The following MSRB3 variants were observed in gnomAD, a reference collection of about 807,000 sequenced individuals.
The protein encoded by MSRB3 is methionine sulfoxide reductase B3.
MSRB3 carries 13 observed loss-of-function variants against 21.0 expected under a neutral mutation model. The ratio of observed to expected loss-of-function variants is 0.62; its 90% CI spans 0.40 to 0.98. MSRB3 has a LOEUF of 0.98. MSRB3 is among the 50% of genes least tolerant of loss of function. The probability of loss-of-function intolerance (pLI) is 0.00; values close to 1 mark genes in which losing one functional copy is unlikely to be tolerated. For synonymous variants in MSRB3, 87 were observed against 88.6 expected (o/e 0.98, Z 0.10); for missense variants, 199 against 230.3 (o/e 0.86, Z 0.88).
At position 65,428,878 on chromosome 12, in the gene MSRB3, G is replaced by A. The variant is rs575560579; in HGVS notation, c.293-24850G>A. 1.6e-4 allele frequency among the ~76,000 whole-genome samples: 24 copies of A among 152,210 alleles called. No homozygotes were observed. In the South Asian group the frequency reaches 3.7e-3, roughly 24 times the overall value. Reference sequence around the variant, plus strand: ...CCTACATATGGGGTGTCCTCCCTTGGAATATCCTTTTTTTCCCCATAAGAT... The same window carrying A: ...CCTACATATGGGGTGTCCTCCCTTGAAATATCCTTTTTTTCCCCATAAGAT... On this transcript the variant is annotated intron_variant, in intron 5 of 6. Coordinates refer to ENST00000308259, the MANE Select transcript of MSRB3 (RefSeq NM_001031679.3).
intron 6 of MSRB3, 69 bp downstream of exon 6, chr12:65,453,894 C>A: frequency 7.9e-7 from 1 of 1,273,548 alleles, no homozygotes; most frequent in Non-Finnish European, 1.1e-6. Flanking sequence ...AATATAGCAA[C>A]TAAGGCCAAG....
chr12:65,361,183 G>C (rs1877678126), intron 4 of MSRB3, among the ~76,000 whole-genome samples: 1 of 152,022 alleles, frequency 6.6e-6, no homozygotes, highest in South Asian at 2.1e-4. Context: ...TTCGATGAAA[G>C]CTACCTTTTA....
At chr12:65,388,602 G>A (rs1347381260) in intron 5 of MSRB3, among the ~76,000 whole-genome samples, 2 of 152,208 alleles carry the variant, frequency 1.3e-5, no homozygotes, top group Non-Finnish European at 2.9e-5. Flanking sequence ...CAAGCGCAGT[G>A]CCTCATGCCT....
intron 5 of MSRB3, among the ~76,000 whole-genome samples, chr12:65,412,228 A>G (rs946832506): frequency 2.4e-4 from 36 of 150,784 alleles, no homozygotes; most frequent in African/African-American, 8.2e-4. Flanking sequence ...CACTGAAGCT[A>G]TTAAAAAAAT....
chr12:65,456,484 A>G (rs1242381889), intron 6 of MSRB3, among the ~76,000 whole-genome samples: 1 of 152,158 alleles, frequency 6.6e-6, no homozygotes, highest in Non-Finnish European at 1.5e-5. Context: ...GAGAAATGAA[A>G]CCCACAAACA....
chr12:65,299,611 C>G (rs950511069), intron 1 of MSRB3, among the ~76,000 whole-genome samples: 1 of 152,124 alleles, frequency 6.6e-6, no homozygotes, highest in Non-Finnish European at 1.5e-5. Flanking sequence ...AGAAATGAGG[C>G]TGTATGTTCA....
chr12:65,461,921 C>T (rs576323514), intron 6 of MSRB3, among the ~76,000 whole-genome samples: 1 of 152,282 alleles, frequency 6.6e-6, no homozygotes, highest in South Asian at 2.1e-4. Flanking sequence ...CTTCTGACCA[C>T]CCTATCTAAC....
chr12:65,440,288 CA>C (rs560630065), intron 5 of MSRB3, among the ~76,000 whole-genome samples: 1 of 148,840 alleles, frequency 6.7e-6, no homozygotes. Flanking sequence ...CCAGAAACCG[CA>C]AAAAAAAGGA....
intron 2 of MSRB3, among the ~76,000 whole-genome samples, chr12:65,309,220 G>A (rs1426873427): frequency 6.6e-6 from 1 of 152,160 alleles, no homozygotes. Flanking sequence ...TTTTAAAAAT[G>A]TGATTTTAAG....
At chr12:65,453,924 C>G (rs968421928) in intron 6 of MSRB3, 99 bp downstream of exon 6, 2 of 966,652 alleles carry the variant, frequency 2.1e-6, no homozygotes, top group Non-Finnish European at 1.7e-6. Flanking sequence ...ACAAGAAGGA[C>G]AGACAAGCAT....
At chr12:65,420,051 AGG>A in intron 5 of MSRB3, 1 of 531,374 alleles carries the variant, frequency 1.9e-6, no homozygotes, top group Non-Finnish European at 3.8e-6. Flanking sequence ...GCGGGAAGAG[AGG>A]ACTCAGGCTT....
intron 6 of MSRB3, among the ~76,000 whole-genome samples, chr12:65,462,041 G>A (rs1401230401): frequency 6.6e-6 from 1 of 152,150 alleles, no homozygotes; most frequent in Non-Finnish European, 1.5e-5. Flanking sequence ...TAGAATGTAA[G>A]CTCTATGAGG....
intron 2 of MSRB3, among the ~76,000 whole-genome samples, chr12:65,317,706 C>T (rs1874389122): frequency 6.6e-6 from 1 of 152,100 alleles, no homozygotes; most frequent in African/African-American, 2.4e-5. Context: ...ACATAGGATT[C>T]AGAGTAGCAA....
At chr12:65,380,379 C>T (rs953324193) in intron 5 of MSRB3, among the ~76,000 whole-genome samples, 3 of 152,114 alleles carry the variant, frequency 2.0e-5, no homozygotes, top group Admixed American at 1.3e-4. Flanking sequence ...GAGTTCGAAA[C>T]AGCCTGGCCA....
At chr12:65,416,895 C>T (rs936104171) in intron 5 of MSRB3, among the ~76,000 whole-genome samples, 1 of 152,112 alleles carries the variant, frequency 6.6e-6, no homozygotes, top group Non-Finnish European at 1.5e-5. Flanking sequence ...GCCTTGGATT[C>T]TCTTTCTATT....
chr12:65,387,457 T>C (rs1028409831), intron 5 of MSRB3, among the ~76,000 whole-genome samples: 1 of 152,144 alleles, frequency 6.6e-6, no homozygotes, highest in African/African-American at 2.4e-5. Flanking sequence ...TATTTTAACT[T>C]GCATTTTTGA....
At chr12:65,398,500 G>C (rs957029824) in intron 5 of MSRB3, among the ~76,000 whole-genome samples, 2 of 152,082 alleles carry the variant, frequency 1.3e-5, no homozygotes, top group Non-Finnish European at 2.9e-5. Context: ...GTGGATTCTG[G>C]ATATTAGCCA....
chr12:65,320,640 C>A (rs1279378384), intron 2 of MSRB3, among the ~76,000 whole-genome samples: 1 of 152,132 alleles, frequency 6.6e-6, no homozygotes, highest in African/African-American at 2.4e-5. Context: ...ATTAGCAGAA[C>A]CTGCACTCTG....
rs145630969 is a variant in MSRB3 at position 65,358,945 on chromosome 12, C to T, written c.264-10053C>T. Among the ~76,000 whole-genome samples the T allele has an allele frequency of 4.5e-3, 683 of 151,902 alleles. 8 individuals are homozygous for T. Among genetic ancestry groups the T allele is most frequent in the African/African-American group, 0.016 (646 of 41,464 alleles). The stretch of plus-strand genomic sequence containing the variant: ...TTCCTTCCTGGATGCATTGGCCTCC[C>T]GTCACCCTGCCTTTTTTCTTTCTTC... On this transcript the variant is annotated intron_variant, in intron 4 of 6. Transcript: ENST00000308259.
Sources: gnomAD v4.1 joint callset for allele counts (sites outside exome capture counted in the v4.1 genomes callset) on GRCh38, gnomAD v4.1.1 for gene constraint, MANE v1.5 for transcripts, NCBI Gene and HGNC (gene_info 2026-07-23, HGNC 2026-07-21) for gene names.